IL12B: variants seen among roughly 807,000 people sequenced by gnomAD.
The protein encoded by IL12B is interleukin-12 subunit beta.
A neutral mutation model predicts 39.2 loss-of-function variants in IL12B; 27 were observed. That is an observed-to-expected ratio of 0.69 (90% confidence interval 0.51 to 0.95). The LOEUF (loss-of-function observed/expected upper bound fraction) is 0.95. Among genes scored for constraint, IL12B ranks in the 40% least tolerant of loss-of-function variants. The probability of loss-of-function intolerance (pLI) is 0.00; values close to 1 mark genes in which losing one functional copy is unlikely to be tolerated. For synonymous variants in IL12B, 142 were observed against 152.1 expected, an observed-to-expected ratio of 0.93 and a Z score of 0.49; for missense variants, 351 against 397.6, an observed-to-expected ratio of 0.88 and a Z score of 1.00.
chr5:159,318,937 T>C (rs1210021348), intron 5 of IL12B, 44 bp from the exon 6 acceptor site: 1 of 1,548,750 alleles, frequency 6.5e-7, no homozygotes, highest in African/African-American at 1.4e-5. Flanking sequence ...AATAAGGCTT[T>C]GGAGTTCAGT....
intron 4 of IL12B, among the ~76,000 whole-genome samples, chr5:159,321,786 G>A (rs1281940332): frequency 6.6e-6 from 1 of 152,134 alleles, no homozygotes; most frequent in African/African-American, 2.4e-5. Flanking sequence ...GATCACCTGG[G>A]GTTTGCTTCG....
At chr5:159,328,278 G>A (rs775962498) in intron 1 of IL12B, among the ~76,000 whole-genome samples, 1 of 152,194 alleles carries the variant, frequency 6.6e-6, no homozygotes, top group Non-Finnish European at 1.5e-5. Flanking sequence ...GGTTATGACT[G>A]TAGCAAAGTA....
intron 5 of IL12B, among the ~76,000 whole-genome samples, chr5:159,319,662 A>G (rs1431836162): frequency 6.6e-6 from 1 of 152,220 alleles, no homozygotes; most frequent in Non-Finnish European, 1.5e-5. Context: ...TTTTGGTGTC[A>G]GCTAAATGTC....
intron 6 of IL12B, among the ~76,000 whole-genome samples, chr5:159,318,377 T>C (rs915257194): frequency 6.6e-6 from 1 of 152,264 alleles, no homozygotes; most frequent in African/African-American, 2.4e-5. Flanking sequence ...CCAGTGGTCC[T>C]ATATTGTTAT....
chr5:159,330,127 T>C (rs1384032292), intron 1 of IL12B, among the ~76,000 whole-genome samples: 1 of 152,218 alleles, frequency 6.6e-6, no homozygotes, highest in African/African-American at 2.4e-5. Flanking sequence ...TTTAGGAATA[T>C]ACTTTTATAC....
Position 159,318,680 on chromosome 5 carries a change from T to C in IL12B, c.855+56A>G, listed in dbSNP as rs902485773. 9.6e-6 allele frequency: 14 copies of C among 1,464,162 alleles called. No homozygotes were observed. In the East Asian group the frequency reaches 2.5e-4, roughly 26 times the overall value. 90.7% of individuals were successfully genotyped at this position (1,464,162 alleles called of 1,614,324 possible). A position where few individuals can be genotyped will look rare whatever the true frequency, so the allele number is the denominator to read the frequency against. ...TATCATCATTCATCTTCTCACTTTATGGTGGGCCTCCGTAAAACTGACCAA... is the reference window on the plus strand; with the variant it reads ...TATCATCATTCATCTTCTCACTTTACGGTGGGCCTCCGTAAAACTGACCAA... On this transcript the variant is annotated intron_variant, in intron 6 of 7. Coordinates refer to ENST00000231228, the MANE Select transcript of IL12B (RefSeq NM_002187.3).
At chr5:159,325,165 C>T (rs150748592) in intron 2 of IL12B, among the ~76,000 whole-genome samples, 7 of 152,246 alleles carry the variant, frequency 4.6e-5, no homozygotes, top group Non-Finnish European at 5.9e-5. Flanking sequence ...AGTCACACCT[C>T]GGAGAGTTTC....
At chr5:159,324,996 C>T (rs927937105) in intron 2 of IL12B, among the ~76,000 whole-genome samples, 6 of 151,900 alleles carry the variant, frequency 3.9e-5, no homozygotes, top group South Asian at 2.1e-4. Flanking sequence ...TTTTTGTCCC[C>T]CTGACACCTG....
In IL12B at chr5:159,320,399, C is replaced by A. The variant is rs960228537; in HGVS notation, c.604G>T (p.Ala202Ser). 6.2e-7 allele frequency: 1 copy of A among 1,614,158 alleles called. No homozygotes were observed. The highest frequency in any genetic ancestry group is 8.5e-7 in the Non-Finnish European group (1 of 1,180,016). The stretch of plus-strand genomic sequence containing the variant: ...ACCTCAATGGGCAGACTCTCCTCAG[C>A]AGCTGGGCAGGCACTGTCCTCCTGG... ...ECQEDSACPA[A>S]EESLPIEVMV... Residue 202 changes from alanine (A) to serine (S), a missense_variant, in exon 5 of 8, where the codon GCT becomes TCT. Ala to Ser is a moderately conservative substitution (Grantham distance 99, BLOSUM62 1). Coordinates refer to ENST00000231228, the MANE Select transcript of IL12B (RefSeq NM_002187.3).
chr5:159,326,021 A>G (rs1225321111), intron 2 of IL12B, among the ~76,000 whole-genome samples: 1 of 152,236 alleles, frequency 6.6e-6, no homozygotes, highest in Non-Finnish European at 1.5e-5. Context: ...GAATCATGAA[A>G]GATATTTTAA....
At position 159,326,759 on chromosome 5, in the gene IL12B, G is replaced by A. The variant is rs769479312; in HGVS notation, c.24C>T (p.Ile8=). The A allele has an allele frequency of 5.0e-5, 80 of 1,612,382 alleles. No individual in the cohort carries two copies. In the Admixed American group the frequency reaches 1.3e-3, roughly 27 times the overall value. The change falls in exon 2 of 8, where the codon ATC becomes ATT. Residue 8 remains isoleucine, a synonymous_variant. Coordinates refer to ENST00000231228, the MANE Select transcript of IL12B (RefSeq NM_002187.3). ...CCAGAAAAACCAGGGAAAACCAAGA[G>A]ATGACCAACTGCTGGTGACACATCT... MCHQQLV[I]SWFSLVFLAS... is the part of the protein sequence containing the mutation.
Position 159,318,719 on chromosome 5 carries a change from C to T in IL12B, c.855+17G>A. On this transcript the variant is annotated intron_variant, in intron 6 of 7. Transcript: ENST00000231228. ...AAAACTGACCAAGGAATATACTGCA[C>T]CTGAATCACTTCTTACCTTTTCTCT... 3 of 1,613,678 alleles carry T rather than the reference C, an allele frequency of 1.9e-6. No homozygotes were observed. The highest frequency in any genetic ancestry group is 1.3e-5 in the African/African-American group (1 of 74,992).
At chr5:159,316,967 T>C in intron 6 of IL12B, 151 bp from the exon 7 acceptor site, 1 of 824,046 alleles carries the variant, frequency 1.2e-6, no homozygotes, top group South Asian at 1.4e-5. Flanking sequence ...GCATAGAACT[T>C]GCACCACCTA....
rs779736965 is a variant in IL12B at position 159,326,743 on chromosome 5, C to A, written c.40G>T (p.Val14Phe). 2.5e-6 allele frequency: 4 copies of A among 1,612,910 alleles called. No individual in the cohort carries two copies. Among genetic ancestry groups the A allele is most frequent in the East Asian group, 2.2e-5 (1 of 44,858 alleles). Residue 14 changes from valine to phenylalanine, a missense_variant, in exon 2 of 8, where the codon GTT becomes TTT. By Grantham distance (50) the Val-to-Phe change is conservative. Transcript: ENST00000231228. ...GCCACGAGGGGAGATGCCAGAAAAA[C>A]CAGGGAAAACCAAGAGATGACCAAC... ...QQLVISWFSL[V>F]FLASPLVAIW...
intron 7 of IL12B, 119 bp downstream of exon 7, chr5:159,316,565 TG>T: frequency 9.8e-7 from 1 of 1,017,184 alleles, no homozygotes; most frequent in Non-Finnish European, 1.5e-6. Context: ...TTTCTGATTC[TG>T]GCAACTGGGT....
At chr5:159,323,783 C>T (rs1264649663) in intron 2 of IL12B, among the ~76,000 whole-genome samples, 1 of 151,998 alleles carries the variant, frequency 6.6e-6, no homozygotes, top group Non-Finnish European at 1.5e-5. Context: ...GTCATCCTGT[C>T]TCCACTAACC....
chr5:159,317,378 A>G (rs570229733), intron 6 of IL12B, among the ~76,000 whole-genome samples: 2 of 152,340 alleles, frequency 1.3e-5, no homozygotes, highest in South Asian at 4.1e-4. Context: ...CATAGGAAGC[A>G]CTCAATATCA....
At chr5:159,324,561 C>T (rs111330959) in intron 2 of IL12B, among the ~76,000 whole-genome samples, 1 of 152,178 alleles carries the variant, frequency 6.6e-6, no homozygotes, top group African/African-American at 2.4e-5. Flanking sequence ...GATGCCTGCT[C>T]AAGTTTATGA....
At chr5:159,327,957 CT>C (rs1754219769) in intron 1 of IL12B, among the ~76,000 whole-genome samples, 1 of 152,184 alleles carries the variant, frequency 6.6e-6, no homozygotes, top group African/African-American at 2.4e-5. Context: ...CTCCATTCAC[CT>C]TGCAGAGCAC....
Sources: allele counts gnomAD v4.1 joint callset (sites outside exome capture counted in the v4.1 genomes callset), GRCh38; gene constraint gnomAD v4.1.1; transcripts MANE v1.5; gene names NCBI Gene and HGNC (gene_info 2026-07-23, HGNC 2026-07-21).